Variants in ZNF711 observed in about 807,000 individuals in gnomAD.
The protein encoded by ZNF711 is zinc finger protein 711.
ZNF711 carries 3 observed loss-of-function variants against 43.5 expected under a neutral mutation model. The ratio of observed to expected loss-of-function variants is 0.07; its 90% CI spans 0.03 to 0.18. ZNF711 has a LOEUF of 0.18. Among genes scored for constraint, ZNF711 ranks in the 10% least tolerant of loss-of-function variants. ZNF711 has a pLI of 1.00. For synonymous variants in ZNF711, 209 were observed against 207.7 expected (o/e 1.01, Z -0.06); for missense variants, 412 against 604.0 (o/e 0.68, Z 3.33).
chrX:85,253,494 T>C (rs1464411135), intron 4 of ZNF711, among the ~76,000 whole-genome samples: 1 of 111,362 alleles, frequency 9.0e-6, no homozygotes, highest in Admixed American at 9.6e-5. Context: ...ATACAGTCCA[T>C]GTACCCTTTA....
At chrX:85,262,172 G>C (rs1442851583) in intron 5 of ZNF711, among the ~76,000 whole-genome samples, 1 of 110,806 alleles carries the variant, frequency 9.0e-6, no homozygotes, top group East Asian at 2.8e-4. Flanking sequence ...TTAAGAAAAG[G>C]TAGAAATGGA....
chrX:85,244,166 G>GGCGGCAGCTGTAGCTGCAGCA lies in ZNF711; in HGVS notation c.-428_-408dup. The GGCGGCAGCTGTAGCTGCAGCA allele has an allele frequency of 6.8e-6, 1 of 147,714 alleles. No homozygotes were observed. The highest frequency in any genetic ancestry group is 1.3e-5 in the Non-Finnish European group (1 of 79,515). The allele number at this position is 147,714 out of a possible 1,213,427, so 12.2% of individuals were successfully genotyped here. On this transcript the variant is annotated 5_prime_UTR_variant, in exon 1 of 11. Transcript: ENST00000674551. ...CGGCGGCAGCGGCGGCGGCAGCGGC[G>GGCGGCAGCTGTAGCTGCAGCA]GCGGCAGCTGTAGCTGCAGCAGCAG...
chrX:85,264,117 C>T (rs754645755), intron 5 of ZNF711, among the ~76,000 whole-genome samples, 158 bp from the exon 6 acceptor site: 3 of 110,129 alleles, frequency 2.7e-5, no homozygotes, highest in African/African-American at 1.0e-4. Context: ...TTAATGGCTT[C>T]ATAATAGGTT....
At chrX:85,259,161 G>C (rs1235675466) in intron 5 of ZNF711, among the ~76,000 whole-genome samples, 1 of 111,125 alleles carries the variant, frequency 9.0e-6, no homozygotes, top group African/African-American at 3.3e-5. Context: ...TGAATAGGGA[G>C]TCCTTTCCCA....
rs778516269 is a variant in ZNF711 at position 85,271,047 on chromosome X, A to G, written c.1643A>G (p.Asn548Ser). 2 of 1,210,906 alleles carry G rather than the reference A, an allele frequency of 1.7e-6. No individual in the cohort carries two copies. The highest frequency in any genetic ancestry group is 2.2e-6 in the Non-Finnish European group (2 of 895,210). The change falls in exon 11 of 11, where the codon AAT (asparagine) becomes AGT (serine). Residue 548 changes from asparagine (N) to serine (S), a missense_variant. Around this residue, in one of 4 missense-constraint regions of ZNF711, gnomAD observed 375 missense variants for 514.2 expected, o/e 0.73. Transcript: ENST00000674551. The stretch of plus-strand genomic sequence containing the variant: ...CATTTGTTGGCCGTTCACAGCAAGA[A>G]TTTTCCTCATGTTTGTGTTGAGTGT... ...NRHLLAVHSK[N>S]FPHVCVECGK...
rs1428207870 is a variant in ZNF711 at position 85,272,431 on chromosome X, A to T, written c.*603A>T. On this transcript the variant is annotated 3_prime_UTR_variant, in exon 11 of 11. Transcript: ENST00000674551. ...TGTTAATATTTTATCACAGGATAGG[A>T]TACTTAAAATATAGCATTCTGTGCT... The T allele has an allele frequency of 8.8e-6, 1 of 113,000 alleles. No individual in the cohort carries two copies. The highest frequency in any genetic ancestry group is 3.2e-5 in the African/African-American group (1 of 30,937). 9.3% of individuals were successfully genotyped at this position (113,000 alleles called of 1,213,427 possible).
At chrX:85,264,905 G>C (rs1475793202) in intron 6 of ZNF711, among the ~76,000 whole-genome samples, 1 of 110,873 alleles carries the variant, frequency 9.0e-6, no homozygotes, top group Non-Finnish European at 1.9e-5. Context: ...TATACTGCTT[G>C]GCATATAAGC....
Position 85,244,103 on chromosome X carries a change from C to A in ZNF711, c.-494C>A. On this transcript the variant is annotated 5_prime_UTR_variant, in exon 1 of 11. Coordinates refer to ENST00000674551, the MANE Select transcript of ZNF711 (RefSeq NM_001330574.2). ...CCCGCAGCCATCCAGAGCGCGGTCA[C>A]AGTCCGACTGGCGGCACGGAGGCGG... The A allele has an allele frequency of 6.7e-6, 1 of 150,171 alleles. No homozygotes were observed. Among genetic ancestry groups the A allele is most frequent in the Non-Finnish European group, 1.2e-5 (1 of 80,072 alleles). The allele number at this position is 150,171 out of a possible 1,213,427, so 12.4% of individuals were successfully genotyped here.
Position 85,267,431 on chromosome X carries a change from T to A in ZNF711, c.1054+16T>A, listed in dbSNP as rs1931181413. The A allele has an allele frequency of 9.0e-7, 1 of 1,105,600 alleles. No individual in the cohort carries two copies. Among genetic ancestry groups the A allele is most frequent in the Non-Finnish European group, 1.2e-6 (1 of 849,435 alleles). 91.1% of individuals were successfully genotyped at this position (1,105,600 alleles called of 1,213,427 possible). ...GCGGCATATGGTAGGATACTGGCAT[T>A]TTTTCACCTGATAAGTACATAATAT... is the stretch of plus-strand genomic sequence containing the variant. On this transcript the variant is annotated intron_variant, in intron 8 of 10. Transcript: ENST00000674551.
intron 5 of ZNF711, among the ~76,000 whole-genome samples, chrX:85,257,592 T>C (rs1205087078): frequency 8.9e-6 from 1 of 112,423 alleles, no homozygotes; most frequent in Non-Finnish European, 1.9e-5. Flanking sequence ...CCTAGGTTGA[T>C]TCCCTGTCTT....
intron 5 of ZNF711, among the ~76,000 whole-genome samples, chrX:85,256,068 T>G (rs994052144): frequency 9.0e-5 from 10 of 111,451 alleles, no homozygotes; most frequent in Non-Finnish European, 1.9e-4. Context: ...AACAAGAACA[T>G]TAACTGATAC....
chrX:85,266,547 A>G (rs1012347693), intron 7 of ZNF711, among the ~76,000 whole-genome samples: 2 of 110,638 alleles, frequency 1.8e-5, no homozygotes, highest in Middle Eastern at 9.3e-3. Flanking sequence ...GTCATCCAGG[A>G]TCCCAGTATG....
At chrX:85,256,489 A>G (rs960877408) in intron 5 of ZNF711, among the ~76,000 whole-genome samples, 1 of 111,813 alleles carries the variant, frequency 8.9e-6, no homozygotes, top group African/African-American at 3.2e-5. Context: ...GATGGAGCTT[A>G]AAGAAGTAGG....
chrX:85,257,949 T>G (rs1206977473), intron 5 of ZNF711, among the ~76,000 whole-genome samples: 2 of 113,126 alleles, frequency 1.8e-5, no homozygotes, highest in Non-Finnish European at 3.7e-5. Context: ...TGTAAACTAG[T>G]ACAACCACTA....
intron 10 of ZNF711, among the ~76,000 whole-genome samples, chrX:85,270,383 AC>A (rs1402888063): frequency 3.6e-5 from 4 of 110,420 alleles, no homozygotes; most frequent in African/African-American, 1.3e-4. Context: ...GGTTGGTTTA[AC>A]AATAAAGGGT....
chrX:85,244,858 G>A (rs1467376548), intron 1 of ZNF711: 5 of 111,626 alleles, frequency 4.5e-5, no homozygotes, highest in Non-Finnish European at 9.4e-5. Context: ...AGCACGGCGT[G>A]GGTAGCAGCG....
intron 8 of ZNF711, 95 bp from the exon 9 acceptor site, chrX:85,268,199 T>C: frequency 9.6e-7 from 1 of 1,041,540 alleles, no homozygotes; most frequent in Non-Finnish European, 1.3e-6. Flanking sequence ...GTGGGCAAAG[T>C]AAGATTTTGT....
At position 85,265,163 on chromosome X, in the gene ZNF711, C is replaced by T; in HGVS notation, c.824C>T (p.Ser275Leu). The T allele has an allele frequency of 8.3e-7, 1 of 1,208,146 alleles. No individual in the cohort carries two copies. Among genetic ancestry groups the T allele is most frequent in the Non-Finnish European group, 1.1e-6 (1 of 893,081 alleles). ...VTESEYTSGH[S>L]VAGVLDQSRM... ...GAGAGTGAGTACACCAGTGGACATT[C>T]AGTAGCTGGAGTGCTTGACCAGAGC... The change falls in exon 7 of 11, where the codon TCA becomes TTA. Residue 275 changes from serine to leucine, a missense_variant. Ser to Leu is a moderately radical substitution (Grantham distance 145, BLOSUM62 -2). Transcript: ENST00000674551.
At chrX:85,265,310 T>TA in intron 7 of ZNF711, 55 bp downstream of exon 7, 1 of 1,159,301 alleles carries the variant, frequency 8.6e-7, no homozygotes, top group Non-Finnish European at 1.2e-6. Context: ...GCATTATTTT[T>TA]AAAAAATCTC....
Sources: gnomAD v4.1 joint callset for allele counts (sites outside exome capture counted in the v4.1 genomes callset) on GRCh38, gnomAD v4.1.1 for gene constraint, gnomAD v4.1.1 regional missense constraint, MANE v1.5 for transcripts, NCBI Gene and HGNC (gene_info 2026-07-23, HGNC 2026-07-21) for gene names.